The following POLA1 variants were observed in gnomAD, a reference collection of about 807,000 sequenced individuals.
POLA1 encodes the protein DNA polymerase alpha 1, catalytic subunit, also known as DNA polymerase alpha catalytic subunit.
In POLA1, 15 loss-of-function variants were observed where a neutral mutation model predicts 124.0. The ratio of observed to expected loss-of-function variants is 0.12; its 90% CI spans 0.08 to 0.19. POLA1 has a LOEUF of 0.19. Ranked by LOEUF, POLA1 falls within the 10% of genes least tolerant of loss-of-function variation. The pLI is 1.00. For synonymous variants in POLA1, 408 were observed against 389.4 expected (o/e 1.05, Z -0.56); for missense variants, 886 against 1,103.4 (o/e 0.80, Z 2.79).
Position 24,932,591 on chromosome X carries a change from C to T in POLA1, c.4261+2042C>T, listed in dbSNP as rs763883029. Among the ~76,000 whole-genome samples the T allele has an allele frequency of 2.7e-5, 3 of 111,820 alleles. No individual in the cohort carries two copies. The East Asian group carries it at 8.4e-4, about 31-fold the overall frequency. Reference sequence around the variant, plus strand: ...CAGTACACTTTTTTATTGTTTGTATCTAATAATATACTACCCAGCAATTCG... The same window carrying T: ...CAGTACACTTTTTTATTGTTTGTATTTAATAATATACTACCCAGCAATTCG... On this transcript the variant is annotated intron_variant, in intron 36 of 36. Transcript: ENST00000379068.
intron 34 of POLA1, among the ~76,000 whole-genome samples, chrX:24,859,682 C>T (rs752925301): frequency 4.4e-5 from 5 of 112,393 alleles, no homozygotes; most frequent in Non-Finnish European, 9.4e-5. Flanking sequence ...TGTTGTGTTG[C>T]GTTTAGCTTC....
rs1229872072 is a variant in POLA1, at chrX:24,719,009, C to G, written c.1087+1251C>G. Among the ~76,000 whole-genome samples, 3 of 111,831 alleles carry G rather than the reference C, an allele frequency of 2.7e-5. No individual in the cohort carries two copies. In the Admixed American group the frequency reaches 2.8e-4, roughly 11 times the overall value. On this transcript the variant is annotated intron_variant, in intron 10 of 36. Coordinates refer to ENST00000379068, the MANE Select transcript of POLA1 (RefSeq NM_001330360.2). ...GTATTCTTTTGTGCCTCTTTGAGCC[C>G]GTCTTCATTGTGGGACTGTGCATTG...
chrX:24,924,344 A>G (rs997306238), intron 35 of POLA1, among the ~76,000 whole-genome samples: 1 of 111,806 alleles, frequency 8.9e-6, no homozygotes, highest in Admixed American at 9.5e-5. Flanking sequence ...AGTTTGTCAA[A>G]GGTCACCCAA....
At chrX:24,828,137 G>A (rs1216317792) in intron 32 of POLA1, among the ~76,000 whole-genome samples, 1 of 112,753 alleles carries the variant, frequency 8.9e-6, no homozygotes, top group Non-Finnish European at 1.9e-5. Context: ...ATTTGATGAT[G>A]TTTATAAATC....
At chrX:24,816,948 A>G (rs2045998948) in intron 30 of POLA1, among the ~76,000 whole-genome samples, 1 of 112,177 alleles carries the variant, frequency 8.9e-6, no homozygotes, top group Admixed American at 9.4e-5. Flanking sequence ...ATGTAAAAGT[A>G]GAGAGCATGG....
intron 1 of POLA1, 128 bp from the exon 2 acceptor site, chrX:24,699,297 T>C (rs1928245734): frequency 2.3e-6 from 1 of 439,637 alleles, no homozygotes; most frequent in South Asian, 7.8e-5. Context: ...ATTTACATTA[T>C]AAACATTATC....
intron 19 of POLA1, among the ~76,000 whole-genome samples, chrX:24,738,219 CAAAAAAAAAAAAAAAA>C (rs755084911): frequency 8.9e-5 from 1 of 11,239 alleles, no homozygotes; most frequent in Non-Finnish European, 2.5e-4. Context: ...GACTCCGTCT[CAAAAAAAAAAAAAAAA>C]AAAAAAAAAA....
chrX:24,916,287 C>CTTTTCTT (rs1318892113), intron 35 of POLA1, among the ~76,000 whole-genome samples: 3 of 95,162 alleles, frequency 3.2e-5, no homozygotes, highest in African/African-American at 1.2e-4. Flanking sequence ...TTTCTTTTTT[C>CTTTTCTT]TTTTTTTTTT....
chrX:24,808,072 G>T (rs2045832291), intron 26 of POLA1, among the ~76,000 whole-genome samples: 1 of 112,279 alleles, frequency 8.9e-6, no homozygotes, highest in East Asian at 2.8e-4. Context: ...AAACATTCAG[G>T]AGATTGGTAA....
intron 26 of POLA1, chrX:24,788,991 C>G: frequency 8.3e-7 from 1 of 1,210,172 alleles, no homozygotes; most frequent in Non-Finnish European, 1.1e-6. Flanking sequence ...GGCACATACC[C>G]CTCGATGTAG....
chrX:24,769,099 G>A (rs771872605), intron 26 of POLA1, among the ~76,000 whole-genome samples: 81 of 111,775 alleles, frequency 7.2e-4, no homozygotes, highest in Non-Finnish European at 9.6e-4. Context: ...AGATTTCACC[G>A]AATTTGGAGG....
At chrX:24,896,948 G>A (rs761925282) in intron 35 of POLA1, among the ~76,000 whole-genome samples, 7 of 111,979 alleles carry the variant, frequency 6.3e-5, no homozygotes, top group Non-Finnish European at 5.6e-5. Context: ...GATACGGTTC[G>A]AAGAGTTTGA....
intron 33 of POLA1, 65 bp downstream of exon 33, chrX:24,841,895 C>G: frequency 1.3e-6 from 1 of 787,816 alleles, no homozygotes; most frequent in Non-Finnish European, 1.9e-6. Flanking sequence ...CCTTCCCCCA[C>G]TATGGGGTAT....
intron 35 of POLA1, among the ~76,000 whole-genome samples, chrX:24,918,156 C>T (rs1601869635): frequency 9.3e-6 from 1 of 107,972 alleles, no homozygotes; most frequent in East Asian, 2.9e-4. Context: ...CAAAATCTAC[C>T]TCTACACTTT....
intron 17 of POLA1, 45 bp downstream of exon 17, chrX:24,733,861 A>C: frequency 1.4e-6 from 1 of 711,383 alleles, no homozygotes; most frequent in South Asian, 2.6e-5. Context: ...TGGAGCGAGA[A>C]AGAAAAGGGG....
chrX:24,878,025 G>A (rs745592282), intron 34 of POLA1, among the ~76,000 whole-genome samples: 2 of 109,391 alleles, frequency 1.8e-5, no homozygotes, highest in African/African-American at 6.7e-5. Context: ...AAGTTTGTGG[G>A]TTTACATTCT....
rs754412389 is a variant in POLA1, at chrX:24,923,922, A to G, written c.4165-6531A>G. 2.9e-4 allele frequency among the ~76,000 whole-genome samples: 32 copies of G among 112,273 alleles called. No individual in the cohort carries two copies. In the East Asian group the frequency reaches 8.6e-3, roughly 30 times the overall value. On this transcript the variant is annotated intron_variant, in intron 35 of 36. Coordinates refer to ENST00000379068, the MANE Select transcript of POLA1 (RefSeq NM_001330360.2). The stretch of plus-strand genomic sequence containing the variant: ...AGGGAAAACAGGAAAGTTTATTTCA[A>G]CCTTTTCATAATCAAGACGAATAAT...
chrX:24,930,526 A>G lies in POLA1; in HGVS notation c.4238A>G (p.Lys1413Arg). 8.6e-7 allele frequency: 1 copy of G among 1,169,044 alleles called. No homozygotes were observed. Among genetic ancestry groups the G allele is most frequent in the Non-Finnish European group, 1.2e-6 (1 of 856,300 alleles). Residue 1413 changes from lysine to arginine, a missense_variant, in exon 36 of 37, where the codon AAA becomes AGA. Coordinates refer to ENST00000379068, the MANE Select transcript of POLA1 (RefSeq NM_001330360.2). ...TTTGATGCGGAGTGTGCACTGGAGAAACTTACTACCGATCATGAGAAAGGT... is the reference window on the plus strand; with the variant it reads ...TTTGATGCGGAGTGTGCACTGGAGAGACTTACTACCGATCATGAGAAAGGT... ...YIFDAECALE[K>R]LTTDHEKDKL...
chrX:24,882,594 C>T (rs113904714), intron 34 of POLA1, among the ~76,000 whole-genome samples: 1,213 of 110,814 alleles, frequency 0.011, 18 homozygotes, highest in African/African-American at 0.038. Flanking sequence ...CTGCATTAAT[C>T]TGCTTAGCAT....
Sources: allele counts gnomAD v4.1 joint callset (sites outside exome capture counted in the v4.1 genomes callset), GRCh38; gene constraint gnomAD v4.1.1; transcripts MANE v1.5; gene names NCBI Gene and HGNC (gene_info 2026-07-23, HGNC 2026-07-21).